Variants in FANCB observed in about 807,000 individuals in gnomAD.
FANCB encodes the protein FA complementation group B.
Under a neutral mutation model 38.9 loss-of-function variants are expected in FANCB, and 5 were observed. The ratio of observed to expected loss-of-function variants is 0.13; its 90% CI spans 0.07 to 0.27. FANCB has a LOEUF of 0.27. FANCB is among the 10% of genes least tolerant of loss of function. The probability of loss-of-function intolerance (pLI) is 1.00; values close to 1 mark genes in which losing one functional copy is unlikely to be tolerated. For missense variants in FANCB, 573 were observed against 602.7 expected, an observed-to-expected ratio of 0.95 and a Z score of 0.52; for synonymous variants, 236 against 215.4, an observed-to-expected ratio of 1.10 and a Z score of -0.84.
the FANCB span, among the ~76,000 whole-genome samples, chrX:14,824,416 T>G: frequency 8.0e-5 from 9 of 112,498 alleles, no homozygotes; most frequent in Non-Finnish European, 1.7e-4. Context: ...GTCTTTGTTC[T>G]ATTTCTAACT....
the FANCB span, among the ~76,000 whole-genome samples, chrX:14,786,236 T>C: frequency 9.0e-6 from 1 of 111,463 alleles, no homozygotes; most frequent in African/African-American, 3.3e-5. Flanking sequence ...AGAGGAACTC[T>C]GCTGAGAGCT....
chrX:14,866,237 A>G (rs1036925314), intron 2 of FANCB, among the ~76,000 whole-genome samples: 6 of 112,374 alleles, frequency 5.3e-5, no homozygotes, highest in Non-Finnish European at 1.9e-5. Flanking sequence ...GTATGACCCA[A>G]CAAAGTCACT....
At chrX:14,781,459 A>G in the FANCB span, among the ~76,000 whole-genome samples, 2 of 111,312 alleles carry the variant, frequency 1.8e-5, no homozygotes, top group African/African-American at 6.5e-5. Flanking sequence ...AATAAAATAA[A>G]TATTTCTTTT....
At chrX:14,694,301 A>G in the FANCB span, among the ~76,000 whole-genome samples, 1 of 111,761 alleles carries the variant, frequency 8.9e-6, no homozygotes, top group Non-Finnish European at 1.9e-5. Context: ...TGTCATCATT[A>G]GACTACTCAC....
chrX:14,847,763 A>C (rs1010664504), intron 7 of FANCB, among the ~76,000 whole-genome samples: 5 of 111,651 alleles, frequency 4.5e-5, no homozygotes, highest in Non-Finnish European at 9.4e-5. Context: ...ATCAGAAATG[A>C]ACAGGGAATA....
Position 14,864,559 on chromosome X carries a change from C to T in FANCB, c.951+1G>A. 1 of 1,126,972 alleles carries T rather than the reference C, an allele frequency of 8.9e-7. No individual in the cohort carries two copies. The highest frequency in any genetic ancestry group is 1.2e-6 in the Non-Finnish European group (1 of 818,341). The allele number at this position is 1,126,972 out of a possible 1,213,427, so 92.9% of individuals were successfully genotyped here. On this transcript the variant is annotated splice_donor_variant, in intron 3 of 9. Coordinates refer to ENST00000650831, the MANE Select transcript of FANCB (RefSeq NM_001018113.3). LOFTEE classifies it high-confidence loss of function. ...AATTATTATTACAATAAGTGTTGTA[C>T]CTGAAAGCTCTCTTTCCATACAGCA...
chrX:14,719,285 C>T, the FANCB span, among the ~76,000 whole-genome samples: 1 of 111,965 alleles, frequency 8.9e-6, no homozygotes, highest in East Asian at 2.8e-4. Context: ...TAGGAGAAGA[C>T]ACTTTCAAAC....
At chrX:14,826,890 T>G in the FANCB span, among the ~76,000 whole-genome samples, 11 of 111,805 alleles carry the variant, frequency 9.8e-5, no homozygotes, top group Non-Finnish European at 7.5e-5. Context: ...TCATCTAATA[T>G]TTTTGTTTCT....
the FANCB span, among the ~76,000 whole-genome samples, chrX:14,765,395 T>A: frequency 4.5e-5 from 5 of 112,050 alleles, no homozygotes; most frequent in Admixed American, 4.7e-4. Context: ...AGAGGACTAA[T>A]AAAATATGTA....
At chrX:14,809,634 G>A in the FANCB span, among the ~76,000 whole-genome samples, 4 of 112,324 alleles carry the variant, frequency 3.6e-5, no homozygotes, top group South Asian at 3.8e-4. Context: ...GGGAAGGGGC[G>A]CCCGCCATTG....
chrX:14,694,473 A>T, the FANCB span, among the ~76,000 whole-genome samples: 6 of 112,124 alleles, frequency 5.4e-5, no homozygotes, highest in East Asian at 1.4e-3. Flanking sequence ...AGTATAAAGG[A>T]TTTTATTTTA....
chrX:14,820,847 G>A, the FANCB span, among the ~76,000 whole-genome samples: 1 of 111,402 alleles, frequency 9.0e-6, no homozygotes, highest in Non-Finnish European at 1.9e-5. Context: ...ATGGTATACA[G>A]GAACTCTATG....
chrX:14,825,954 G>A, the FANCB span, among the ~76,000 whole-genome samples: 1 of 111,944 alleles, frequency 8.9e-6, no homozygotes, highest in Non-Finnish European at 1.9e-5. Flanking sequence ...CCTTAGCCCT[G>A]GAAGTTAACA....
the FANCB span, among the ~76,000 whole-genome samples, chrX:14,784,936 T>C: frequency 8.9e-6 from 1 of 111,844 alleles, no homozygotes; most frequent in South Asian, 3.8e-4. Flanking sequence ...ACAGCGCATG[T>C]TCTCACTTAT....
At chrX:14,736,521 T>C in the FANCB span, among the ~76,000 whole-genome samples, 1 of 111,573 alleles carries the variant, frequency 9.0e-6, no homozygotes, top group East Asian at 2.8e-4. Flanking sequence ...GCTTCCCAGG[T>C]GAGGCAACGC....
chrX:14,795,198 T>A, the FANCB span, among the ~76,000 whole-genome samples: 8 of 112,293 alleles, frequency 7.1e-5, no homozygotes, highest in African/African-American at 1.9e-4. Flanking sequence ...TTCTACTACA[T>A]CTCTGGAGAA....
the FANCB span, among the ~76,000 whole-genome samples, chrX:14,747,479 T>C: frequency 1.8e-5 from 2 of 112,601 alleles, no homozygotes; most frequent in African/African-American, 6.5e-5. Flanking sequence ...GGAATGAGGG[T>C]TGCATTTAAA....
At chrX:14,690,621 A>T in the FANCB span, 1 of 639,549 alleles carries the variant, frequency 1.6e-6, no homozygotes, top group Non-Finnish European at 2.5e-6. Flanking sequence ...TCACACCATT[A>T]AGAATCTGGT....
the FANCB span, among the ~76,000 whole-genome samples, chrX:14,751,444 C>T: frequency 9.0e-6 from 1 of 111,300 alleles, no homozygotes; most frequent in Non-Finnish European, 1.9e-5. Context: ...TAATCTGCAC[C>T]GTTAGAGAGA....
Sources: allele counts gnomAD v4.1 joint callset (sites outside exome capture counted in the v4.1 genomes callset), GRCh38; gene constraint gnomAD v4.1.1; transcripts MANE v1.5; gene names NCBI Gene and HGNC (gene_info 2026-07-23, HGNC 2026-07-21).